KIF26B: variants seen among roughly 807,000 people sequenced by gnomAD.
The protein encoded by KIF26B is kinesin-like protein KIF26B.
KIF26B carries 63 observed loss-of-function variants against 151.2 expected under a neutral mutation model. The observed-to-expected ratio is 0.42, with a 90% confidence interval of 0.34 to 0.51. KIF26B has a LOEUF of 0.51. Among genes scored for constraint, KIF26B ranks in the 20% least tolerant of loss-of-function variants. The pLI is 0.07. For synonymous variants in KIF26B, 1,357 were observed against 1,262.1 expected (o/e 1.08, Z -1.59); for missense variants, 2,813 against 2,913.6 (o/e 0.97, Z 0.79).
At chr1:245,189,946 AC>A (rs1489441369) in intron 2 of KIF26B, among the ~76,000 whole-genome samples, 2 of 152,294 alleles carry the variant, frequency 1.3e-5, no homozygotes, top group African/African-American at 4.8e-5. Context: ...CTCCTATGAG[AC>A]CATCAGATCT....
chr1:245,401,795 G>A (rs780574983), intron 3 of KIF26B, among the ~76,000 whole-genome samples: 7 of 152,218 alleles, frequency 4.6e-5, no homozygotes, highest in Admixed American at 2.6e-4. Flanking sequence ...GCTTGAACTC[G>A]GGAGGCGGAG....
chr1:245,175,213 G>A (rs1404653254), intron 2 of KIF26B, among the ~76,000 whole-genome samples: 2 of 152,154 alleles, frequency 1.3e-5, no homozygotes, highest in Non-Finnish European at 2.9e-5. Flanking sequence ...ACCCAGAGGT[G>A]AAAGGCTACA....
At chr1:245,523,736 C>A (rs1362591070) in intron 4 of KIF26B, among the ~76,000 whole-genome samples, 3 of 152,274 alleles carry the variant, frequency 2.0e-5, no homozygotes, top group South Asian at 2.1e-4. Flanking sequence ...CTCCAAATAC[C>A]ATCATCTTGT....
At chr1:245,515,116 A>G (rs1660922185) in intron 4 of KIF26B, among the ~76,000 whole-genome samples, 1 of 152,172 alleles carries the variant, frequency 6.6e-6, no homozygotes, top group Admixed American at 6.5e-5. Flanking sequence ...TGATCTTAAG[A>G]AAATGATCAC....
chr1:245,641,154 A>T (rs936497204), intron 9 of KIF26B, among the ~76,000 whole-genome samples: 5 of 150,188 alleles, frequency 3.3e-5, no homozygotes, highest in African/African-American at 4.9e-5. Flanking sequence ...ATATCATCTC[A>T]CTCCCTCCTG....
chr1:245,340,800 T>C (rs1672318723), intron 2 of KIF26B, among the ~76,000 whole-genome samples: 2 of 152,104 alleles, frequency 1.3e-5, no homozygotes, highest in African/African-American at 4.8e-5. Flanking sequence ...ATAGAAAGGC[T>C]CAATGTGGAG....
At chr1:245,403,635 G>A (rs1674062466) in intron 3 of KIF26B, among the ~76,000 whole-genome samples, 1 of 152,138 alleles carries the variant, frequency 6.6e-6, no homozygotes, top group South Asian at 2.1e-4. Flanking sequence ...GTCCACGTGT[G>A]TGTGTTTCTT....
intron 2 of KIF26B, among the ~76,000 whole-genome samples, chr1:245,278,348 G>T (rs906530652): frequency 3.9e-5 from 6 of 152,096 alleles, no homozygotes; most frequent in Middle Eastern, 3.2e-3. Context: ...TGCTGCCAAA[G>T]TCCCCTTTTC....
At chr1:245,676,105 A>G (rs2147945146) in intron 10 of KIF26B, 1 of 152,322 alleles carries the variant, frequency 6.6e-6, no homozygotes, top group African/African-American at 2.4e-5. Flanking sequence ...TGTGGCCCTA[A>G]AAAGAGTTTT....
intron 5 of KIF26B, among the ~76,000 whole-genome samples, chr1:245,583,238 T>A (rs879277973): frequency 6.6e-6 from 1 of 152,192 alleles, no homozygotes; most frequent in Non-Finnish European, 1.5e-5. Context: ...GACTTAAAGA[T>A]CTACTGGTCC....
intron 2 of KIF26B, among the ~76,000 whole-genome samples, chr1:245,283,250 C>T (rs574895649): frequency 6.6e-6 from 1 of 151,840 alleles, no homozygotes; most frequent in South Asian, 2.1e-4. Context: ...CTGCCCAAGC[C>T]CACCCACCGC....
chr1:245,644,338 G>C lies in KIF26B; in HGVS notation c.2099-1783G>C, dbSNP rs147153631. ...TTTTTATCTCTAGAGGTTCAGTTTT[G>C]TGTCTTTTTAAATATATATTCCATG... On this transcript the variant is annotated intron_variant, in intron 9 of 14. Coordinates refer to ENST00000407071, the MANE Select transcript of KIF26B (RefSeq NM_018012.4). 4.7e-3 allele frequency among the ~76,000 whole-genome samples: 715 copies of C among 151,782 alleles called. 7 individuals are homozygous for C. Among genetic ancestry groups the C allele is most frequent in the African/African-American group, 0.016 (664 of 41,378 alleles).
intron 4 of KIF26B, among the ~76,000 whole-genome samples, chr1:245,429,414 A>G (rs12409400): frequency 0.08 from 12,242 of 152,172 alleles, 539 homozygotes; most frequent in Admixed American, 0.12. Flanking sequence ...GTCTCTGAGA[A>G]CAAAAACCAC....
chr1:245,704,752 G>A lies in KIF26B; in HGVS notation c.*2146G>A, dbSNP rs1472743836. The A allele has an allele frequency of 2.0e-5, 3 of 152,244 alleles. No homozygotes were observed. The highest frequency in any genetic ancestry group is 2.9e-5 in the Non-Finnish European group (2 of 68,066). The allele number at this position is 152,244 out of a possible 1,614,324, so 9.4% of individuals were successfully genotyped here. A position where few individuals can be genotyped will look rare whatever the true frequency, so the allele number is the denominator to read the frequency against. On this transcript the variant is annotated 3_prime_UTR_variant, in exon 15 of 15. Transcript: ENST00000407071. Reference sequence around the variant, plus strand: ...CTGGCCTCAAAGCACTTGTGTAAGTGGGCTTGCTTAACAGTAATATCCTTG... The same window carrying A: ...CTGGCCTCAAAGCACTTGTGTAAGTAGGCTTGCTTAACAGTAATATCCTTG...
Position 245,174,821 on chromosome 1 carries a change from G to C in KIF26B, c.465+18138G>C, listed in dbSNP as rs187609543. 1.3e-3 allele frequency among the ~76,000 whole-genome samples: 194 copies of C among 152,316 alleles called. 2 individuals are homozygous for C. The highest frequency in any genetic ancestry group is 4.1e-3 in the African/African-American group (170 of 41,570). ...CTCCCCATAGGGCTTTTCTGGAGAA[G>C]GGCCCTTTGGAGCTTGTGGGATTTC... On this transcript the variant is annotated intron_variant, in intron 2 of 14. Coordinates refer to ENST00000407071, the MANE Select transcript of KIF26B (RefSeq NM_018012.4).
chr1:245,327,498 C>G (rs994033343), intron 2 of KIF26B, among the ~76,000 whole-genome samples: 3 of 152,094 alleles, frequency 2.0e-5, no homozygotes, highest in African/African-American at 7.2e-5. Context: ...TATGAAACAT[C>G]TCTAGAATTC....
Position 245,602,147 on chromosome 1 carries a change from TGAGCTGA to T in KIF26B, c.1351-428_1351-422del, listed in dbSNP as rs1274263462. Among the ~76,000 whole-genome samples, 1 of 152,194 alleles carries T rather than the reference TGAGCTGA, an allele frequency of 6.6e-6. No homozygotes were observed. The highest frequency in any genetic ancestry group is 6.5e-5 in the Admixed American group (1 of 15,272). On this transcript the variant is annotated intron_variant, in intron 5 of 14. Transcript: ENST00000407071. This position sits in a 1 kb window ranked among gnomAD's most constrained non-coding sequence, Gnocchi z 4.5. ...GGATTTTTGTCTCCCAGAGTCCTGA[TGAGCTGA>T]GCCAAGGAGTAAATTACGGAGCTAA...
chr1:245,361,168 A>G (rs988667459), intron 2 of KIF26B, among the ~76,000 whole-genome samples: 1 of 152,178 alleles, frequency 6.6e-6, no homozygotes, highest in Non-Finnish European at 1.5e-5. Flanking sequence ...CACATGTTGC[A>G]GCAAGCAGCC....
At chr1:245,439,072 G>T (rs752766259) in intron 4 of KIF26B, among the ~76,000 whole-genome samples, 3 of 152,178 alleles carry the variant, frequency 2.0e-5, no homozygotes, top group Non-Finnish European at 2.9e-5. Flanking sequence ...TGATGGCCAG[G>T]CATGGTGGCT....
Sources: allele counts gnomAD v4.1 joint callset (sites outside exome capture counted in the v4.1 genomes callset), GRCh38; gene constraint gnomAD v4.1.1; non-coding constraint Gnocchi (gnomAD v3.1); transcripts MANE v1.5; gene names NCBI Gene and HGNC (gene_info 2026-07-23, HGNC 2026-07-21).